The following CDK14 variants were observed in gnomAD, a reference collection of about 807,000 sequenced individuals.
The protein encoded by CDK14 is cyclin-dependent kinase 14.
A neutral mutation model predicts 60.7 loss-of-function variants in CDK14; 34 were observed. The ratio of observed to expected loss-of-function variants is 0.56; its 90% CI spans 0.43 to 0.75. The LOEUF is 0.75. Ranked by LOEUF, CDK14 falls within the 30% of genes least tolerant of loss-of-function variation. The probability of loss-of-function intolerance (pLI) is 0.00; values close to 1 mark genes in which losing one functional copy is unlikely to be tolerated. For synonymous variants in CDK14, 197 were observed against 203.7 expected (o/e 0.97, Z 0.28); for missense variants, 482 against 564.1 (o/e 0.85, Z 1.47).
chr7:90,965,712 T>G (rs978040630), intron 9 of CDK14, among the ~76,000 whole-genome samples: 3 of 152,224 alleles, frequency 2.0e-5, no homozygotes, highest in Non-Finnish European at 4.4e-5. Context: ...TTTCAAATTC[T>G]TAGTATTTTG....
At chr7:90,858,150 C>T (rs1404403472) in intron 5 of CDK14, among the ~76,000 whole-genome samples, 3 of 152,124 alleles carry the variant, frequency 2.0e-5, no homozygotes, top group Non-Finnish European at 4.4e-5. Context: ...CAGGTTTCAT[C>T]TAAGTGGTCA....
intron 2 of CDK14, among the ~76,000 whole-genome samples, chr7:90,620,410 G>A (rs1361508210): frequency 6.6e-6 from 1 of 152,146 alleles, no homozygotes; most frequent in Non-Finnish European, 1.5e-5. Flanking sequence ...CCAGACGGCG[G>A]TGAGTGACGC....
rs535188998 is a variant in CDK14, at chr7:91,205,290, A to G, written c.*29-1875A>G. Among the ~76,000 whole-genome samples, 20 of 152,370 alleles carry G rather than the reference A, an allele frequency of 1.3e-4. No individual in the cohort carries two copies. In the South Asian group the frequency reaches 4.1e-3, roughly 32 times the overall value. ...AGCCAAAAGATGAAACAACACAAAT[A>G]TAAATCAACCAATGAATGGATAAAC... On this transcript the variant is annotated intron_variant, in intron 14 of 14. Coordinates refer to ENST00000380050, the MANE Select transcript of CDK14 (RefSeq NM_001287135.2).
intron 14 of CDK14, among the ~76,000 whole-genome samples, chr7:91,198,924 G>A (rs1802633280): frequency 6.6e-6 from 1 of 152,122 alleles, no homozygotes; most frequent in Non-Finnish European, 1.5e-5. Context: ...GAACCCTTGT[G>A]TTTCTCTATT....
intron 14 of CDK14, among the ~76,000 whole-genome samples, chr7:91,142,527 C>T (rs1463331517): frequency 6.6e-6 from 1 of 152,242 alleles, no homozygotes; most frequent in South Asian, 2.1e-4. Context: ...GAAGAATTGA[C>T]AAGAGCCTAT....
intron 2 of CDK14, chr7:90,716,361 A>G (rs2116667927): frequency 6.6e-6 from 1 of 152,148 alleles, no homozygotes; most frequent in South Asian, 2.1e-4. Context: ...ACTTCCTTCT[A>G]AGTTTTTCCT....
chr7:91,209,606 T>A lies in CDK14; in HGVS notation c.*2470T>A, dbSNP rs535751534. 1 of 152,674 alleles carries A rather than the reference T, an allele frequency of 6.5e-6. No homozygotes were observed. The highest frequency in any genetic ancestry group is 1.5e-5 in the Non-Finnish European group (1 of 68,052). The allele number at this position is 152,674 out of a possible 1,614,324, so 9.5% of individuals were successfully genotyped here. On this transcript the variant is annotated 3_prime_UTR_variant, in exon 15 of 15. Transcript: ENST00000380050. ...AAAGCACTGGAATGTTTTGTGAGAT[T>A]ATTTTTATATGAAGGAATAGCCTGA...
chr7:90,659,554 T>TA (rs1315463198), intron 2 of CDK14, among the ~76,000 whole-genome samples: 1 of 152,144 alleles, frequency 6.6e-6, no homozygotes, highest in Non-Finnish European at 1.5e-5. Context: ...ATGATCTTAT[T>TA]AAAAATAGGG....
At chr7:90,631,523 A>G (rs954800041) in intron 2 of CDK14, among the ~76,000 whole-genome samples, 1 of 152,170 alleles carries the variant, frequency 6.6e-6, no homozygotes, top group African/African-American at 2.4e-5. Context: ...AGGGGCCACT[A>G]TTGTAAGGAT....
At chr7:91,078,678 T>C (rs1454060788) in intron 11 of CDK14, among the ~76,000 whole-genome samples, 1 of 152,006 alleles carries the variant, frequency 6.6e-6, no homozygotes, top group Non-Finnish European at 1.5e-5. Flanking sequence ...GCCAATAGAG[T>C]TTCAAGGGTA....
At chr7:90,765,496 A>G (rs1397925969) in intron 4 of CDK14, among the ~76,000 whole-genome samples, 3 of 152,200 alleles carry the variant, frequency 2.0e-5, no homozygotes, top group African/African-American at 7.2e-5. Context: ...GCAAAGTACC[A>G]AGGAAGAAAG....
intron 12 of CDK14, among the ~76,000 whole-genome samples, chr7:91,090,996 T>G (rs1562900234): frequency 4.0e-5 from 6 of 150,268 alleles, no homozygotes; most frequent in Non-Finnish European, 1.5e-5. Context: ...TTGGTTTTGT[T>G]TGTGTGTGTG....
intron 2 of CDK14, among the ~76,000 whole-genome samples, chr7:90,678,733 T>C (rs1160678178): frequency 1.3e-5 from 2 of 152,022 alleles, no homozygotes; most frequent in East Asian, 3.9e-4. Context: ...GAAATCATAA[T>C]TGGTTCATTG....
intron 10 of CDK14, among the ~76,000 whole-genome samples, chr7:91,002,869 G>A (rs372492337): frequency 3.2e-4 from 49 of 152,158 alleles, no homozygotes; most frequent in African/African-American, 5.3e-4. Flanking sequence ...TCAGGAGATC[G>A]AGACCATCCT....
intron 3 of CDK14, among the ~76,000 whole-genome samples, chr7:90,742,542 A>G (rs76892249): frequency 5.4e-4 from 82 of 151,992 alleles, no homozygotes; most frequent in African/African-American, 1.9e-3. Context: ...CATGTTTATA[A>G]TACTTTTGTC....
chr7:90,813,532 G>C (rs1789223270), intron 5 of CDK14, among the ~76,000 whole-genome samples: 1 of 152,150 alleles, frequency 6.6e-6, no homozygotes, highest in Non-Finnish European at 1.5e-5. Context: ...TGGATCACCT[G>C]AGGTCAGACG....
At chr7:90,666,812 T>G (rs896135645) in intron 2 of CDK14, among the ~76,000 whole-genome samples, 20 of 152,168 alleles carry the variant, frequency 1.3e-4, no homozygotes, top group Admixed American at 1.3e-3. Flanking sequence ...GGAGAGTCAT[T>G]AAAGCCATTG....
chr7:90,762,786 G>A (rs141461983), intron 4 of CDK14, among the ~76,000 whole-genome samples: 1 of 152,232 alleles, frequency 6.6e-6, no homozygotes, highest in African/African-American at 2.4e-5. Flanking sequence ...AGGAGTTTGA[G>A]ACCAGCCTGG....
chr7:91,100,145 G>T (rs1037095495), intron 12 of CDK14, among the ~76,000 whole-genome samples: 9 of 152,092 alleles, frequency 5.9e-5, no homozygotes. Context: ...TGACTGACAG[G>T]TTTGTACTAC....
Sources: allele counts gnomAD v4.1 joint callset (sites outside exome capture counted in the v4.1 genomes callset), GRCh38; gene constraint gnomAD v4.1.1; transcripts MANE v1.5; gene names NCBI Gene and HGNC (gene_info 2026-07-23, HGNC 2026-07-21).